STARD13: variants seen among roughly 807,000 people sequenced by gnomAD.
The protein encoded by STARD13 is stAR-related lipid transfer protein 13.
Under a neutral mutation model 106.4 loss-of-function variants are expected in STARD13, and 62 were observed. The observed-to-expected ratio is 0.58, with a 90% CI of 0.48 to 0.72. STARD13 has a LOEUF of 0.72. Among genes scored for constraint, STARD13 ranks in the 30% least tolerant of loss-of-function variants. The pLI, the probability that STARD13 is intolerant of heterozygous loss-of-function variation, is 0.00. For synonymous variants in STARD13, 565 were observed against 553.0 expected, an observed-to-expected ratio of 1.02 and a Z score of -0.31; for missense variants, 1,387 against 1,424.0, an observed-to-expected ratio of 0.97 and a Z score of 0.42.
At chr13:33,366,024 A>G in the STARD13 span, among the ~76,000 whole-genome samples, 1 of 152,022 alleles carries the variant, frequency 6.6e-6, no homozygotes. This position sits in a 1 kb window ranked among gnomAD's most constrained non-coding sequence, Gnocchi z 4.2. Context: ...TGTTTTCTTA[A>G]TAATGCCAGT....
chr13:33,444,454 C>A, the STARD13 span, among the ~76,000 whole-genome samples: 1 of 152,066 alleles, frequency 6.6e-6, no homozygotes. Flanking sequence ...GCAGTAAATT[C>A]CTTTGAGTTA....
rs779426367 is a variant in STARD13, at chr13:33,129,844, G to T, written c.833C>A (p.Ser278Tyr). 1 of 1,612,926 alleles carries T rather than the reference G, an allele frequency of 6.2e-7. No individual in the cohort carries two copies. Among genetic ancestry groups the T allele is most frequent in the South Asian group, 1.1e-5 (1 of 91,082 alleles). ...GATCACCAGGCCACCTGTCCGCCCA[G>T]ACCCCTTATGCCTCCCGTGGGCTCC... ...GKGAHGRHKG[S>Y]GRTGGLVISG... The change falls in exon 5 of 14, where the codon TCT (serine) becomes TAT (tyrosine). Residue 278 changes from serine (S) to tyrosine (Y), a missense_variant. Transcript: ENST00000336934.
At position 33,110,654 on chromosome 13, in the gene STARD13, G is replaced by C. The variant is rs769306681; in HGVS notation, c.2829+32C>G. On this transcript the variant is annotated intron_variant, in intron 11 of 13. Coordinates refer to ENST00000336934, the MANE Select transcript of STARD13 (RefSeq NM_178006.4). ...GTCTGATTGTTAGCTGTGGCTTTCTGGGGGTGATCTTTTTCCATCCTCTGA... is the reference window on the plus strand; with the variant it reads ...GTCTGATTGTTAGCTGTGGCTTTCTCGGGGTGATCTTTTTCCATCCTCTGA... The C allele has an allele frequency of 1.7e-5, 27 of 1,570,090 alleles. No individual in the cohort carries two copies. The South Asian group carries it at 2.6e-4, about 15-fold the overall frequency.
intron 1 of STARD13, among the ~76,000 whole-genome samples, chr13:33,331,264 T>G (rs769638178): frequency 6.6e-6 from 1 of 152,172 alleles, no homozygotes; most frequent in Non-Finnish European, 1.5e-5. Context: ...CAGTGTAATT[T>G]CTCTCCTTTA....
At chr13:33,429,934 G>GC in the STARD13 span, among the ~76,000 whole-genome samples, 6 of 149,732 alleles carry the variant, frequency 4.0e-5, 1 homozygote, top group African/African-American at 1.3e-4. Context: ...TTTTGGGGGG[G>GC]GGGGACGGAG....
At chr13:33,296,435 C>CATGT (rs59268692) in intron 1 of STARD13, among the ~76,000 whole-genome samples, 27,120 of 150,998 alleles carry the variant, frequency 0.18, 2,869 homozygotes, top group Non-Finnish European at 0.23. Context: ...CATAGTGACA[C>CATGT]GTGTGTGTGT....
At chr13:33,254,292 T>C (rs1489803332) in intron 1 of STARD13, among the ~76,000 whole-genome samples, 1 of 152,174 alleles carries the variant, frequency 6.6e-6, no homozygotes, top group African/African-American at 2.4e-5. Context: ...GACAATAGGC[T>C]TAACAGTGTT....
intron 1 of STARD13, among the ~76,000 whole-genome samples, chr13:33,183,207 C>T (rs1036256222): frequency 6.6e-6 from 1 of 152,220 alleles, no homozygotes; most frequent in South Asian, 2.1e-4. Context: ...TAGACCACAG[C>T]TCTTTGAGGG....
the STARD13 span, among the ~76,000 whole-genome samples, chr13:33,443,220 A>G: frequency 6.6e-6 from 1 of 151,986 alleles, no homozygotes; most frequent in South Asian, 2.1e-4. Flanking sequence ...TACTAAAAAT[A>G]CAAAAAATTA....
At chr13:33,160,785 T>C (rs931310947) in intron 3 of STARD13, among the ~76,000 whole-genome samples, 1 of 152,144 alleles carries the variant, frequency 6.6e-6, no homozygotes, top group Non-Finnish European at 1.5e-5. Context: ...CTAACAAAGA[T>C]GTGGAGCAGT....
intron 1 of STARD13, among the ~76,000 whole-genome samples, chr13:33,291,169 C>T (rs190320355): frequency 6.6e-6 from 1 of 152,028 alleles, no homozygotes; most frequent in Admixed American, 6.5e-5. Context: ...ACAGAGGACC[C>T]CAAGCTATTG....
At chr13:33,153,478 C>T (rs1269935117) in intron 3 of STARD13, among the ~76,000 whole-genome samples, 3 of 152,128 alleles carry the variant, frequency 2.0e-5, no homozygotes, top group South Asian at 2.1e-4. Flanking sequence ...GACTGTGTGC[C>T]GGGAGGGATG....
intron 1 of STARD13, among the ~76,000 whole-genome samples, chr13:33,261,687 G>C (rs1890647608): frequency 6.6e-6 from 1 of 152,088 alleles, no homozygotes; most frequent in Non-Finnish European, 1.5e-5. Flanking sequence ...TTTTATTGTG[G>C]GTCATGGCTC....
chr13:33,257,845 G>C (rs563492109), intron 1 of STARD13, among the ~76,000 whole-genome samples: 2 of 152,300 alleles, frequency 1.3e-5, no homozygotes, highest in South Asian at 4.1e-4. Context: ...GAACATTTCT[G>C]GGAATTTGCA....
At chr13:33,459,661 C>T in the STARD13 span, among the ~76,000 whole-genome samples, 1 of 152,156 alleles carries the variant, frequency 6.6e-6, no homozygotes, top group Admixed American at 6.5e-5. Flanking sequence ...TAAGAACTGC[C>T]AAGCTGTGCA....
chr13:33,285,893 T>G, upstream of STARD13: 1 of 633,192 alleles, frequency 1.6e-6, no homozygotes, highest in East Asian at 4.4e-5. Flanking sequence ...CAGAGGCAGT[T>G]CCAGCCGCCA....
chr13:33,546,282 G>A, the STARD13 span, among the ~76,000 whole-genome samples: 5 of 152,224 alleles, frequency 3.3e-5, no homozygotes, highest in East Asian at 9.6e-4. Flanking sequence ...GTGGCAAAAA[G>A]CATTTGTCTA....
At chr13:33,298,286 T>G (rs1352423466) in intron 1 of STARD13, among the ~76,000 whole-genome samples, 1 of 146,956 alleles carries the variant, frequency 6.8e-6, no homozygotes, top group Non-Finnish European at 1.5e-5. Context: ...TATGCCACCA[T>G]GCTCAGCTAA....
chr13:33,109,258 T>C (rs548342233), intron 12 of STARD13, among the ~76,000 whole-genome samples: 3 of 152,290 alleles, frequency 2.0e-5, no homozygotes, highest in South Asian at 4.2e-4. Flanking sequence ...TGTGCAAACT[T>C]TCTATCATTG....
Sources: gnomAD v4.1 joint callset for allele counts (sites outside exome capture counted in the v4.1 genomes callset) on GRCh38, gnomAD v4.1.1 for gene constraint, Gnocchi (gnomAD v3.1) non-coding constraint, MANE v1.5 for transcripts, NCBI Gene and HGNC (gene_info 2026-07-23, HGNC 2026-07-21) for gene names.